Variants in PPP2R2B observed in about 807,000 individuals in gnomAD.
The protein encoded by PPP2R2B is serine/threonine-protein phosphatase 2A 55 kDa regulatory subunit B beta isoform.
PPP2R2B carries 5 observed loss-of-function variants against 46.0 expected under a neutral mutation model. The observed-to-expected ratio is 0.11, with a 90% CI of 0.06 to 0.23. The LOEUF is 0.23. PPP2R2B is among the 10% of genes least tolerant of loss of function. PPP2R2B has a pLI of 1.00. For missense variants in PPP2R2B, 367 were observed against 575.0 expected, an observed-to-expected ratio of 0.64 and a Z score of 3.70; for synonymous variants, 215 against 206.7, an observed-to-expected ratio of 1.04 and a Z score of -0.34.
chr5:146,842,735 T>C (rs1759740559), intron 2 of PPP2R2B, among the ~76,000 whole-genome samples: 1 of 152,176 alleles, frequency 6.6e-6, no homozygotes, highest in Non-Finnish European at 1.5e-5. Flanking sequence ...AGTGAGAACA[T>C]GCCATATTTG....
chr5:146,776,628 A>G (rs980198749), intron 2 of PPP2R2B, among the ~76,000 whole-genome samples: 9 of 152,152 alleles, frequency 5.9e-5, no homozygotes, highest in African/African-American at 1.9e-4. Context: ...ACAGGTAACA[A>G]TAACAAAAAT....
At chr5:146,798,373 C>G (rs142274068) in intron 2 of PPP2R2B, among the ~76,000 whole-genome samples, 1 of 152,248 alleles carries the variant, frequency 6.6e-6, no homozygotes, top group African/African-American at 2.4e-5. Flanking sequence ...ATTTATTTCT[C>G]TAATCCACAG....
intron 1 of PPP2R2B, among the ~76,000 whole-genome samples, chr5:147,003,843 G>A (rs1161522190): frequency 6.6e-6 from 1 of 152,126 alleles, no homozygotes; most frequent in Non-Finnish European, 1.5e-5. Flanking sequence ...CCTTCCTCGA[G>A]TGGCTATGGG....
At chr5:146,943,239 T>C (rs769330059) in intron 1 of PPP2R2B, among the ~76,000 whole-genome samples, 1 of 152,188 alleles carries the variant, frequency 6.6e-6, no homozygotes, top group African/African-American at 2.4e-5. Flanking sequence ...ATTAAGTCAC[T>C]CAAAATTACA....
intron 5 of PPP2R2B, among the ~76,000 whole-genome samples, chr5:146,671,239 T>C (rs1454791920): frequency 6.6e-6 from 1 of 152,220 alleles, no homozygotes; most frequent in East Asian, 1.9e-4. Flanking sequence ...GTGATTCATG[T>C]ATGTTGATTT....
chr5:146,913,187 A>G (rs1206743618), intron 1 of PPP2R2B, among the ~76,000 whole-genome samples: 1 of 152,244 alleles, frequency 6.6e-6, no homozygotes, highest in Non-Finnish European at 1.5e-5. Flanking sequence ...CATAGAGTCA[A>G]GTGCTTAAAA....
intron 4 of PPP2R2B, among the ~76,000 whole-genome samples, 177 bp from the exon 5 acceptor site, chr5:146,691,417 T>C (rs1355348180): frequency 2.0e-5 from 3 of 152,166 alleles, no homozygotes; most frequent in African/African-American, 7.2e-5. Context: ...AGAGCTCATA[T>C]TTCAAAACAA....
At chr5:147,021,017 T>C (rs1755236672) in intron 1 of PPP2R2B, among the ~76,000 whole-genome samples, 1 of 152,204 alleles carries the variant, frequency 6.6e-6, no homozygotes, top group African/African-American at 2.4e-5. Context: ...TGGTAGTGTA[T>C]GTTAACAGAA....
At chr5:146,742,128 T>A (rs895928711) in intron 2 of PPP2R2B, among the ~76,000 whole-genome samples, 4 of 152,212 alleles carry the variant, frequency 2.6e-5, no homozygotes, top group African/African-American at 9.6e-5. Flanking sequence ...TTTGAAGAAT[T>A]ACTGGCTAAC....
At chr5:146,721,913 G>A (rs1430533354) in intron 2 of PPP2R2B, among the ~76,000 whole-genome samples, 2 of 152,154 alleles carry the variant, frequency 1.3e-5, no homozygotes, top group Non-Finnish European at 2.9e-5. Context: ...AGGTTAACAG[G>A]AACACTACTA....
At chr5:146,803,717 G>A (rs1757002834) in intron 2 of PPP2R2B, among the ~76,000 whole-genome samples, 1 of 152,164 alleles carries the variant, frequency 6.6e-6, no homozygotes, top group Non-Finnish European at 1.5e-5. Flanking sequence ...ACAAGACCAA[G>A]TTAGGCATCC....
At chr5:146,660,342 C>A (rs139711036) in intron 5 of PPP2R2B, among the ~76,000 whole-genome samples, 1 of 152,040 alleles carries the variant, frequency 6.6e-6, no homozygotes, top group African/African-American at 2.4e-5. Context: ...TTTTTAAAAA[C>A]GTGAAAAGAA....
intron 2 of PPP2R2B, among the ~76,000 whole-genome samples, chr5:146,794,437 GCAAT>G (rs1172992873): frequency 6.6e-6 from 1 of 152,184 alleles, no homozygotes; most frequent in Non-Finnish European, 1.5e-5. Flanking sequence ...AATGATAGTT[GCAAT>G]CAAAGTGTAA....
Position 146,817,302 on chromosome 5 carries a change from G to C in PPP2R2B, c.70+60700C>G, listed in dbSNP as rs775743830. 3.3e-5 allele frequency among the ~76,000 whole-genome samples: 5 copies of C among 152,114 alleles called. No homozygotes were observed. In the East Asian group the frequency reaches 5.8e-4, roughly 18 times the overall value. ...CAATGTCATCAACCAGAAAGCCTAAGACATTTTTCTCTTCCCCACTGACTT... is the reference window on the plus strand; with the variant it reads ...CAATGTCATCAACCAGAAAGCCTAACACATTTTTCTCTTCCCCACTGACTT... On this transcript the variant is annotated intron_variant, in intron 2 of 9. Coordinates refer to ENST00000394411, the MANE Select transcript of PPP2R2B (RefSeq NM_181675.4).
chr5:146,792,403 C>A (rs1756256759), intron 2 of PPP2R2B, among the ~76,000 whole-genome samples: 1 of 152,142 alleles, frequency 6.6e-6, no homozygotes, highest in Non-Finnish European at 1.5e-5. Context: ...ATGTAGTTGA[C>A]CACCACTTAC....
chr5:146,943,698 G>A (rs1764395390), intron 1 of PPP2R2B, among the ~76,000 whole-genome samples: 2 of 151,896 alleles, frequency 1.3e-5, no homozygotes, highest in Admixed American at 1.3e-4. Flanking sequence ...TAGCAGAAAG[G>A]CATAAGCTCA....
intron 7 of PPP2R2B, among the ~76,000 whole-genome samples, chr5:146,604,932 C>T (rs1215281084): frequency 6.6e-6 from 1 of 152,160 alleles, no homozygotes. Context: ...CTTGTATAGT[C>T]CCACTTTGGT....
At chr5:146,809,324 T>C (rs1310206967) in intron 2 of PPP2R2B, among the ~76,000 whole-genome samples, 1 of 152,222 alleles carries the variant, frequency 6.6e-6, no homozygotes, top group Non-Finnish European at 1.5e-5. Flanking sequence ...TTATCATTTA[T>C]TGAAGCCCAA....
intron 2 of PPP2R2B, among the ~76,000 whole-genome samples, chr5:146,807,724 C>A (rs1194911889): frequency 1.3e-5 from 2 of 148,286 alleles, no homozygotes; most frequent in Non-Finnish European, 3.0e-5. Flanking sequence ...TGTGCTTAAC[C>A]ACCAGGGATA....
Sources: gnomAD v4.1 joint callset for allele counts (sites outside exome capture counted in the v4.1 genomes callset) on GRCh38, gnomAD v4.1.1 for gene constraint, MANE v1.5 for transcripts, NCBI Gene and HGNC (gene_info 2026-07-23, HGNC 2026-07-21) for gene names.